FUS: variants seen among roughly 807,000 people sequenced by gnomAD.
FUS encodes the protein RNA-binding protein FUS.
Under a neutral mutation model 82.7 loss-of-function variants are expected in FUS, and 5 were observed. That is an observed-to-expected ratio of 0.06 (90% confidence interval 0.03 to 0.13). The LOEUF (loss-of-function observed/expected upper bound fraction) is 0.13. Among genes scored for constraint, FUS ranks in the 10% least tolerant of loss-of-function variants. The pLI, the probability that FUS is intolerant of heterozygous loss-of-function variation, is 1.00. For synonymous variants in FUS, 281 were observed against 247.4 expected (o/e 1.14, Z -1.27); for missense variants, 512 against 707.8 (o/e 0.72, Z 3.14).
intron 3 of FUS, 151 bp from the exon 4 acceptor site, chr16:31,183,707 G>A (rs2144106272): frequency 2.2e-6 from 2 of 905,720 alleles, no homozygotes; most frequent in South Asian, 1.4e-5. Context: ...TTTGAAAGGA[G>A]GGTAACTATC....
At position 31,190,705 on chromosome 16, in the gene FUS, C is replaced by T. The variant is rs374297808; in HGVS notation, c.1293-37C>T. The T allele has an allele frequency of 4.5e-6, 7 of 1,572,518 alleles. No homozygotes were observed. The South Asian group carries it at 7.8e-5, about 17-fold the overall frequency. ...CCTAGTTCTAGGTCTTGCCTATTCCCCATCGCTCCAGACTGATTGTCTTCC... is the reference window on the plus strand; with the variant it reads ...CCTAGTTCTAGGTCTTGCCTATTCCTCATCGCTCCAGACTGATTGTCTTCC... On this transcript the variant is annotated intron_variant, in intron 12 of 14. Coordinates refer to ENST00000254108, the MANE Select transcript of FUS (RefSeq NM_004960.4).
At chr16:31,192,361 G>A (rs1353317877), downstream of FUS, 4 of 525,538 alleles carry the variant, frequency 7.6e-6, no homozygotes, top group South Asian at 6.1e-5. Context: ...CTTACCATGT[G>A]GTTGTAAACT....
downstream of FUS, chr16:31,194,381 C>T (rs772940449): frequency 3.3e-5 from 17 of 516,408 alleles, no homozygotes; most frequent in Admixed American, 6.8e-5. Flanking sequence ...CTCTGCCTCC[C>T]ACCCGCAAGC....
At chr16:31,185,533 C>G (rs2079256616) in intron 6 of FUS, 1 of 564,810 alleles carries the variant, frequency 1.8e-6, no homozygotes, top group Non-Finnish European at 3.4e-6. Context: ...TGATCCCACT[C>G]CTGGGAAATA....
intron 1 of FUS, among the ~76,000 whole-genome samples, chr16:31,181,362 T>C (rs2079175295): frequency 6.6e-6 from 1 of 152,150 alleles, no homozygotes; most frequent in Non-Finnish European, 1.5e-5. Context: ...GTATCTTAAG[T>C]GGGGCTTTTC....
At chr16:31,186,416 GT>G in intron 6 of FUS, 1 of 392,388 alleles carries the variant, frequency 2.5e-6, no homozygotes, top group Non-Finnish European at 4.7e-6. Flanking sequence ...CCCCAGCCTG[GT>G]GTGAAATGTC....
chr16:31,186,054 AT>A (rs2079265210), intron 6 of FUS: 1 of 236,568 alleles, frequency 4.2e-6, no homozygotes, highest in Non-Finnish European at 8.3e-6. Flanking sequence ...GGTGGGGGCA[AT>A]CTCAAAAACG....
chr16:31,187,021 G>T, intron 7 of FUS, 185 bp downstream of exon 7: 2 of 669,280 alleles, frequency 3.0e-6, no homozygotes, highest in South Asian at 3.3e-5. Flanking sequence ...AGCAGGTAGG[G>T]GTAAGACTCA....
chr16:31,188,529 C>T, intron 8 of FUS, 172 bp downstream of exon 8: 1 of 746,640 alleles, frequency 1.3e-6, no homozygotes, highest in East Asian at 2.5e-5. Context: ...AAGTATTTCT[C>T]AGAAATACCT....
At chr16:31,186,900 C>A in intron 7 of FUS, 64 bp downstream of exon 7, 1 of 1,443,106 alleles carries the variant, frequency 6.9e-7, no homozygotes, top group Non-Finnish European at 9.8e-7. Context: ...TGTTCATTTG[C>A]AGATGTCTTA....
chr16:31,186,634 C>A, intron 6 of FUS, 168 bp from the exon 7 acceptor site: 1 of 685,744 alleles, frequency 1.5e-6, no homozygotes, highest in Non-Finnish European at 2.7e-6. Flanking sequence ...GTGTGACATG[C>A]TCAAAGGTCA....
chr16:31,191,778 A>C (rs1253689568), downstream of FUS: 2 of 595,748 alleles, frequency 3.4e-6, no homozygotes, highest in Admixed American at 2.1e-5. Flanking sequence ...GTCATGGGGA[A>C]AGTTGGTGTA....
downstream of FUS, chr16:31,191,776 G>C (rs976231217): frequency 1.7e-6 from 1 of 597,958 alleles, no homozygotes; most frequent in African/African-American, 1.8e-5. Flanking sequence ...CTGTCATGGG[G>C]AAAGTTGGTG....
chr16:31,183,806 C>T (rs776617582), intron 3 of FUS, 52 bp from the exon 4 acceptor site: 60 of 1,610,776 alleles, frequency 3.7e-5, no homozygotes, highest in Admixed American at 6.7e-5. Context: ...CCATTCCTTA[C>T]ATTTTCTCTT....
chr16:31,194,051 TG>T (rs1432241011), downstream of FUS: 1 of 533,920 alleles, frequency 1.9e-6, no homozygotes, highest in African/African-American at 1.9e-5. Context: ...GTGAGGAGGG[TG>T]GGGAGAGCTG....
At chr16:31,180,301 G>A in intron 1 of FUS, 74 bp downstream of exon 1, 1 of 1,548,892 alleles carries the variant, frequency 6.5e-7, no homozygotes, top group South Asian at 1.2e-5. Context: ...CGTTTTCAGT[G>A]GGACCGGGGC....
chr16:31,189,511 C>T (rs2079320535), intron 9 of FUS, among the ~76,000 whole-genome samples, 154 bp from the exon 10 acceptor site: 1 of 152,108 alleles, frequency 6.6e-6, no homozygotes, highest in South Asian at 2.1e-4. Flanking sequence ...AGACAGTTTT[C>T]TTTAATGGAG....
chr16:31,189,174 A>G lies in FUS; in HGVS notation c.884A>G (p.Asn295Ser). The G allele has an allele frequency of 6.2e-7, 1 of 1,614,046 alleles. No homozygotes were observed. Among genetic ancestry groups the G allele is most frequent in the Non-Finnish European group, 8.5e-7 (1 of 1,179,956 alleles). ...NTIFVQGLGE[N>S]VTIESVADYF... ...ATCTTTGTGCAAGGCCTGGGTGAGA[A>G]TGTTACAATTGAGTCTGTGGCTGAT... is the stretch of plus-strand genomic sequence containing the variant. Residue 295 changes from asparagine to serine, a missense_variant, in exon 9 of 15, where the codon AAT becomes AGT. Physicochemically the swap from Asn to Ser is conservative, Grantham distance 46. This residue lies in a region of FUS where 26 missense variants were observed against 109.3 expected (regional missense o/e 0.24). Transcript: ENST00000254108.
chr16:31,193,697 G>C (rs886051954), downstream of FUS: 24 of 532,604 alleles, frequency 4.5e-5, no homozygotes, highest in Middle Eastern at 5.2e-4. Flanking sequence ...AATGGATAGA[G>C]ACACCTAGCA....
Sources: gnomAD v4.1 joint callset for allele counts (sites outside exome capture counted in the v4.1 genomes callset) on GRCh38, gnomAD v4.1.1 for gene constraint, gnomAD v4.1.1 regional missense constraint, MANE v1.5 for transcripts, NCBI Gene and HGNC (gene_info 2026-07-23, HGNC 2026-07-21) for gene names.